The following TNKS variants were observed in gnomAD, a reference collection of about 807,000 sequenced individuals.
TNKS encodes poly [ADP-ribose] polymerase tankyrase-1.
In TNKS, 72 loss-of-function variants were observed where a neutral mutation model predicts 135.8. The ratio of observed to expected loss-of-function variants is 0.53; its 90% CI spans 0.44 to 0.64. The LOEUF is 0.64. TNKS is among the 30% of genes least tolerant of loss of function. TNKS has a pLI of 0.00. For synonymous variants in TNKS, 849 were observed against 649.3 expected (o/e 1.31, Z -4.68); for missense variants, 1,769 against 1,674.0 (o/e 1.06, Z -0.99).
Position 9,766,356 on chromosome 8 carries a change from A to T in TNKS, c.3671A>T (p.Tyr1224Phe), listed in dbSNP as rs1563220766. The change falls in exon 25 of 27, where the codon TAT becomes TTT. Residue 1224 changes from tyrosine (Y) to phenylalanine (F), a missense_variant. Physicochemically the swap from Tyr to Phe is conservative, Grantham distance 22 (BLOSUM62 3). This residue lies in a region of TNKS where 722 missense variants were observed against 688.9 expected (regional missense o/e 1.05). Transcript: ENST00000310430. ...GAAAACTCCTCAAAAAGCAACCAATATGTTTATGGAATTGGAGGAGGAACA... is the reference window on the plus strand; with the variant it reads ...GAAAACTCCTCAAAAAGCAACCAATTTGTTTATGGAATTGGAGGAGGAACA... Reference protein sequence around the residue: ...FAENSSKSNQYVYGIGGGTGC... With the variant: ...FAENSSKSNQFVYGIGGGTGC... 6.2e-7 allele frequency: 1 copy of T among 1,613,750 alleles called. No individual in the cohort carries two copies. Among genetic ancestry groups the T allele is most frequent in the Non-Finnish European group, 8.5e-7 (1 of 1,179,926 alleles).
At chr8:9,662,067 C>T (rs565784139) in intron 3 of TNKS, among the ~76,000 whole-genome samples, 9 of 152,196 alleles carry the variant, frequency 5.9e-5, no homozygotes, top group East Asian at 3.9e-4. Context: ...GTTAGAATGG[C>T]GATCATTAAG....
At chr8:9,714,143 A>G (rs375918839) in intron 11 of TNKS, among the ~76,000 whole-genome samples, 1 of 152,314 alleles carries the variant, frequency 6.6e-6, no homozygotes. Context: ...TCTTTTGCCC[A>G]AAACCTGGTA....
intron 1 of TNKS, 184 bp downstream of exon 1, chr8:9,556,796 G>C: frequency 2.3e-6 from 1 of 431,126 alleles, no homozygotes; most frequent in Non-Finnish European, 4.2e-6. Flanking sequence ...CGTGGTTGGG[G>C]GGGATAAGTG....
At chr8:9,672,654 TAAAAA>T (rs746763150) in intron 3 of TNKS, among the ~76,000 whole-genome samples, 4 of 42,830 alleles carry the variant, frequency 9.3e-5, no homozygotes, top group African/African-American at 2.7e-4. Flanking sequence ...ACTGTGATGG[TAAAAA>T]AAAAAAAAAA....
chr8:9,770,969 A>C (rs1807794768), intron 26 of TNKS, among the ~76,000 whole-genome samples: 1 of 152,166 alleles, frequency 6.6e-6, no homozygotes, highest in Non-Finnish European at 1.5e-5. Flanking sequence ...GGACATACAA[A>C]TATGGAATGG....
chr8:9,601,142 T>C (rs951228430), intron 2 of TNKS, among the ~76,000 whole-genome samples: 1 of 152,214 alleles, frequency 6.6e-6, no homozygotes, highest in African/African-American at 2.4e-5. Context: ...TAAAACAGTG[T>C]AGAAATGTAT....
chr8:9,628,818 A>G (rs576087986), intron 3 of TNKS, among the ~76,000 whole-genome samples: 42 of 152,228 alleles, frequency 2.8e-4, no homozygotes, highest in African/African-American at 9.9e-4. Flanking sequence ...CAACCTTAAC[A>G]TGGCCAACAC....
chr8:9,582,843 C>T (rs1461455758), intron 2 of TNKS, among the ~76,000 whole-genome samples: 2 of 152,130 alleles, frequency 1.3e-5, no homozygotes, highest in Non-Finnish European at 2.9e-5. Context: ...CCCATTTCCT[C>T]TGTTTGTCCT....
intron 3 of TNKS, among the ~76,000 whole-genome samples, chr8:9,616,124 C>T (rs948145723): frequency 6.6e-6 from 1 of 152,106 alleles, no homozygotes; most frequent in Admixed American, 6.5e-5. Flanking sequence ...CTTGCCACCC[C>T]GTTTATACTT....
At chr8:9,583,308 C>T (rs1285783321) in intron 2 of TNKS, among the ~76,000 whole-genome samples, 1 of 151,584 alleles carries the variant, frequency 6.6e-6, no homozygotes, top group African/African-American at 2.4e-5. Context: ...ATTAAACAAA[C>T]TACTTAAGAC....
At chr8:9,642,194 A>T (rs1377893243) in intron 3 of TNKS, among the ~76,000 whole-genome samples, 1 of 146,388 alleles carries the variant, frequency 6.8e-6, no homozygotes, top group South Asian at 2.2e-4. Flanking sequence ...TGCAGACGCC[A>T]TTATACAAAT....
At chr8:9,602,828 A>G (rs1289635452) in intron 2 of TNKS, among the ~76,000 whole-genome samples, 1 of 152,246 alleles carries the variant, frequency 6.6e-6, no homozygotes, top group Non-Finnish European at 1.5e-5. Flanking sequence ...GTCTAAAACA[A>G]TAGTGAGATT....
chr8:9,752,663 A>C (rs1806608247), intron 20 of TNKS, 37 bp downstream of exon 20: 2 of 1,387,298 alleles, frequency 1.4e-6, no homozygotes, highest in Admixed American at 1.7e-5. Context: ...CATTTAAATT[A>C]AATACTAAGA....
chr8:9,721,293 A>G (rs930255363), intron 12 of TNKS, among the ~76,000 whole-genome samples: 1 of 15,800 alleles, frequency 6.3e-5, no homozygotes, highest in Non-Finnish European at 2.2e-4. Flanking sequence ...AAATAAATAA[A>G]TAAATTATAT....
chr8:9,732,540 A>T (rs767250267), intron 14 of TNKS, among the ~76,000 whole-genome samples: 1 of 151,070 alleles, frequency 6.6e-6, no homozygotes, highest in East Asian at 1.9e-4. Flanking sequence ...ATTTGCTTCT[A>T]TTGCTCATTT....
chr8:9,643,119 T>G lies in TNKS; in HGVS notation c.994+27442T>G, dbSNP rs1054889661. On this transcript the variant is annotated intron_variant, in intron 3 of 26. Transcript: ENST00000310430. ...TTGAGAAGTCCATTTTTATTAAAAA[T>G]TTACTCATTAGACATAATCTTGGAA... 1.4e-5 allele frequency among the ~76,000 whole-genome samples: 2 copies of G among 146,352 alleles called. 1 individual carries two copies. The highest frequency in any genetic ancestry group is 1.4e-4 in the Admixed American group (2 of 13,908).
intron 14 of TNKS, among the ~76,000 whole-genome samples, chr8:9,732,916 T>G (rs1030227383): frequency 6.6e-6 from 1 of 152,224 alleles, no homozygotes; most frequent in Non-Finnish European, 1.5e-5. Context: ...TAATCACCAC[T>G]ATGATTTACA....
chr8:9,766,536 G>C, intron 25 of TNKS, 111 bp downstream of exon 25: 1 of 1,020,088 alleles, frequency 9.8e-7, no homozygotes, highest in Non-Finnish European at 1.3e-6. Context: ...ACCCAGGCTG[G>C]AGTGCGGTGG....
intron 2 of TNKS, among the ~76,000 whole-genome samples, chr8:9,609,358 T>C (rs907999162): frequency 3.0e-4 from 45 of 152,216 alleles, no homozygotes; most frequent in African/African-American, 1.1e-3. Flanking sequence ...TTAGATATCG[T>C]AGACACCCAA....
Sources: gnomAD v4.1 joint callset for allele counts (sites outside exome capture counted in the v4.1 genomes callset) on GRCh38, gnomAD v4.1.1 for gene constraint, gnomAD v4.1.1 regional missense constraint, MANE v1.5 for transcripts, NCBI Gene and HGNC (gene_info 2026-07-23, HGNC 2026-07-21) for gene names.